Variants in SKIC8 observed in about 807,000 individuals in gnomAD.
SKIC8 encodes SKI8 subunit of superkiller complex.
the SKIC8 span, chr15:78,295,809 A>G: frequency 1.7e-6 from 2 of 1,161,284 alleles, no homozygotes; most frequent in South Asian, 1.7e-5. Flanking sequence ...CCAAGAAAAT[A>G]AGGCAACTCT....
the SKIC8 span, among the ~76,000 whole-genome samples, chr15:78,294,313 C>T: frequency 6.6e-6 from 1 of 152,208 alleles, no homozygotes; most frequent in Non-Finnish European, 1.5e-5. Flanking sequence ...TAGGCCTTCT[C>T]AAACTCATCG....
chr15:78,291,609 T>C, the SKIC8 span, among the ~76,000 whole-genome samples: 2 of 152,068 alleles, frequency 1.3e-5, no homozygotes, highest in Non-Finnish European at 2.9e-5. Context: ...AGACAAGAAA[T>C]ATTGCTTCTG....
chr15:78,293,333 T>C, the SKIC8 span: 2 of 1,444,808 alleles, frequency 1.4e-6, no homozygotes, highest in Admixed American at 1.7e-5. Context: ...GAAGCCGAGA[T>C]ACTGTTCAAC....
chr15:78,296,375 C>T, the SKIC8 span, among the ~76,000 whole-genome samples: 3 of 151,840 alleles, frequency 2.0e-5, no homozygotes, highest in Admixed American at 2.0e-4. Context: ...CACTGAACTC[C>T]AGCCTGGGTG....
chr15:78,290,106 AG>A, the SKIC8 span: 1 of 1,604,672 alleles, frequency 6.2e-7, no homozygotes, highest in Non-Finnish European at 8.5e-7. Context: ...TCCACTGAAC[AG>A]AAAAAAGAAG....
At chr15:78,293,041 T>C in the SKIC8 span, 9 of 871,014 alleles carry the variant, frequency 1.0e-5, no homozygotes, top group Middle Eastern at 3.4e-4. Flanking sequence ...TGCTGTTTTA[T>C]ACCACCATAT....
At chr15:78,298,696 T>C in the SKIC8 span, among the ~76,000 whole-genome samples, 3 of 152,204 alleles carry the variant, frequency 2.0e-5, 1 homozygote, top group East Asian at 3.8e-4. Flanking sequence ...AATAAACCTA[T>C]GTAAAGTTGA....
the SKIC8 span, chr15:78,295,404 T>A: frequency 4.4e-6 from 1 of 229,814 alleles, no homozygotes. Flanking sequence ...TTCTGATCTT[T>A]TTTTTTTTTT....
the SKIC8 span, chr15:78,283,585 A>G: frequency 7.9e-7 from 1 of 1,264,308 alleles, no homozygotes; most frequent in Non-Finnish European, 1.1e-6. Flanking sequence ...TATGAAATGA[A>G]CATCCTTATT....
chr15:78,297,407 G>A, the SKIC8 span, among the ~76,000 whole-genome samples: 1 of 152,192 alleles, frequency 6.6e-6, no homozygotes, highest in African/African-American at 2.4e-5. Context: ...ACAAATTTTA[G>A]TAAGTAGGTG....
At chr15:78,285,545 A>G in the SKIC8 span, 299 of 583,088 alleles carry the variant, frequency 5.1e-4, 1 homozygote, top group African/African-American at 4.3e-3. Context: ...TGGCCCTCAT[A>G]TTAATTGTTC....
the SKIC8 span, chr15:78,284,309 C>T: frequency 6.6e-6 from 1 of 152,166 alleles, no homozygotes; most frequent in East Asian, 1.9e-4. Context: ...GAGTAAGATG[C>T]TTAAATCCAG....
the SKIC8 span, chr15:78,288,201 T>C: frequency 7.2e-7 from 1 of 1,394,736 alleles, no homozygotes; most frequent in Non-Finnish European, 1.0e-6. Context: ...CACAGGTCTT[T>C]ACTAGGGCTC....
At chr15:78,288,487 T>C in the SKIC8 span, 1 of 1,096,534 alleles carries the variant, frequency 9.1e-7, no homozygotes, top group Admixed American at 2.1e-5. Context: ...TGAGTTGAAA[T>C]GCTCAGGTGC....
At chr15:78,292,963 A>G in the SKIC8 span, 2 of 955,600 alleles carry the variant, frequency 2.1e-6, no homozygotes, top group Non-Finnish European at 3.0e-6. Context: ...GTAGGACTTT[A>G]AGATTTTTTT....
At chr15:78,287,710 A>C in the SKIC8 span, among the ~76,000 whole-genome samples, 1 of 152,166 alleles carries the variant, frequency 6.6e-6, no homozygotes, top group African/African-American at 2.4e-5. Context: ...CAGGACTAAA[A>C]ATGATGGGGG....
the SKIC8 span, chr15:78,285,664 A>G: frequency 1.1e-5 from 5 of 456,278 alleles, no homozygotes; most frequent in African/African-American, 9.7e-5. Flanking sequence ...AATGCCTTCA[A>G]GTTGTCCATC....
the SKIC8 span, chr15:78,289,570 C>A: frequency 7.3e-7 from 1 of 1,369,846 alleles, no homozygotes; most frequent in Non-Finnish European, 1.0e-6. Context: ...ATAATTCTTC[C>A]TTTGTGATTT....
the SKIC8 span, chr15:78,294,734 T>C: frequency 1.7e-6 from 1 of 575,928 alleles, no homozygotes; most frequent in Non-Finnish European, 3.0e-6. Context: ...CCTATCATGA[T>C]GACTGCTTTT....
Sources: allele counts gnomAD v4.1 joint callset (sites outside exome capture counted in the v4.1 genomes callset), GRCh38; gene constraint gnomAD v4.1.1; transcripts MANE v1.5; gene names NCBI Gene and HGNC (gene_info 2026-07-23, HGNC 2026-07-21).